The following NEK10 variants were observed in gnomAD, a reference collection of about 807,000 sequenced individuals.
The protein encoded by NEK10 is NIMA related kinase 10.
Under a neutral mutation model 159.8 loss-of-function variants are expected in NEK10, and 122 were observed. That is an observed-to-expected ratio of 0.76 (90% confidence interval 0.66 to 0.89). NEK10 has a LOEUF of 0.89. NEK10 is among the 40% of genes least tolerant of loss of function. The pLI is 0.00. For missense variants in NEK10, 1,342 were observed against 1,323.1 expected (o/e 1.01, Z -0.22); for synonymous variants, 466 against 457.1 (o/e 1.02, Z -0.25).
intron 13 of NEK10, among the ~76,000 whole-genome samples, chr3:27,299,056 G>C (rs2043593370): frequency 6.6e-6 from 1 of 152,174 alleles, no homozygotes; most frequent in South Asian, 2.1e-4. Flanking sequence ...ATTTGCATAA[G>C]TAATGAGGAG....
intron 25 of NEK10, among the ~76,000 whole-genome samples, chr3:27,192,596 G>GAA (rs35385101): frequency 2.2e-5 from 3 of 134,816 alleles, no homozygotes; most frequent in Non-Finnish European, 1.6e-5. Flanking sequence ...CTGGCAGGTG[G>GAA]AAAAAAAAAA....
intron 22 of NEK10, among the ~76,000 whole-genome samples, chr3:27,263,474 G>A (rs2040597962): frequency 6.6e-6 from 1 of 152,192 alleles, no homozygotes. Flanking sequence ...CCCAGTTTGA[G>A]CTTCCCGGCT....
At chr3:27,257,462 T>C (rs1271269802) in intron 22 of NEK10, among the ~76,000 whole-genome samples, 1 of 152,208 alleles carries the variant, frequency 6.6e-6, no homozygotes, top group African/African-American at 2.4e-5. Flanking sequence ...ATGCAGTATT[T>C]GATTATATAT....
intron 5 of NEK10, among the ~76,000 whole-genome samples, chr3:27,340,142 T>C (rs1021690530): frequency 5.9e-5 from 9 of 152,180 alleles, no homozygotes; most frequent in Admixed American, 2.6e-4. Context: ...ATAAAGAAGA[T>C]GTGGCACATA....
intron 22 of NEK10, among the ~76,000 whole-genome samples, chr3:27,267,903 T>C (rs1392774772): frequency 1.3e-5 from 2 of 152,200 alleles, no homozygotes; most frequent in Admixed American, 1.3e-4. Flanking sequence ...CAAACAGCCA[T>C]GTTGTAATGG....
At chr3:27,280,852 A>C (rs11129279) in intron 22 of NEK10, among the ~76,000 whole-genome samples, 40,286 of 151,538 alleles carry the variant, frequency 0.27, 5,486 homozygotes, top group Middle Eastern at 0.39. Flanking sequence ...TATATATGCT[A>C]CTGTTTAGTT....
In NEK10 at chr3:27,256,912, CT is replaced by C. The variant is rs550014186; in HGVS notation, c.2015-542del. On this transcript the variant is annotated intron_variant, in intron 22 of 35. Coordinates refer to ENST00000691995, the MANE Select transcript of NEK10 (RefSeq NM_001394966.1). ...CTTCAGGTACTTCTCTTTTTTCTCT[CT>C]TTTTTTTTTTTTTTTTTTTTGAGAC... Among the ~76,000 whole-genome samples the C allele has an allele frequency of 8.8e-3, 1,103 of 125,096 alleles. 4 individuals carry two copies. Among genetic ancestry groups the C allele is most frequent in the African/African-American group, 0.022 (728 of 32,544 alleles). The allele number at this position is 125,096 out of a possible 152,430, so 82.1% of individuals were successfully genotyped here.
Position 27,280,629 on chromosome 3 carries a change from G to C in NEK10, c.2014+3973C>G, listed in dbSNP as rs538017132. On this transcript the variant is annotated intron_variant, in intron 22 of 35. Transcript: ENST00000691995. ...AAGAGTATTCTCTAGAAAAAACAAAGTTTAGATACTGATTTTGGAGTCTTC... is the reference window on the plus strand; with the variant it reads ...AAGAGTATTCTCTAGAAAAAACAAACTTTAGATACTGATTTTGGAGTCTTC... Among the ~76,000 whole-genome samples the C allele has an allele frequency of 3.9e-5, 6 of 152,158 alleles. No homozygotes were observed. The East Asian group carries it at 1.2e-3, about 29-fold the overall frequency.
intron 6 of NEK10, among the ~76,000 whole-genome samples, chr3:27,317,147 G>A (rs928427753): frequency 2.6e-5 from 4 of 152,142 alleles, no homozygotes; most frequent in African/African-American, 4.8e-5. Flanking sequence ...TTCCCTCCAT[G>A]CTCCCATGGA....
chr3:27,184,409 C>A (rs1414785779), intron 26 of NEK10, among the ~76,000 whole-genome samples: 1 of 152,062 alleles, frequency 6.6e-6, no homozygotes, highest in Admixed American at 6.6e-5. Context: ...CGTCCTGGGG[C>A]AGAGAATTGT....
At chr3:27,303,244 T>A (rs532156784) in intron 12 of NEK10, among the ~76,000 whole-genome samples, 1 of 152,214 alleles carries the variant, frequency 6.6e-6, no homozygotes, top group African/African-American at 2.4e-5. Flanking sequence ...ACCTCTTTTT[T>A]ACCAAGGATA....
chr3:27,352,626 C>G, intron 2 of NEK10, 101 bp from the exon 3 acceptor site: 1 of 908,240 alleles, frequency 1.1e-6, no homozygotes, highest in Non-Finnish European at 1.8e-6. Context: ...CTGCTTTTAT[C>G]AACTGGAATG....
At chr3:27,141,613 G>T in intron 30 of NEK10, 31 bp from the exon 31 acceptor site, 1 of 1,539,254 alleles carries the variant, frequency 6.5e-7, no homozygotes, top group Non-Finnish European at 8.9e-7. Context: ...AGTTAGTCAA[G>T]TTCTCTTTCA....
chr3:27,249,530 A>G (rs1215330590), intron 23 of NEK10, among the ~76,000 whole-genome samples: 2 of 152,110 alleles, frequency 1.3e-5, no homozygotes, highest in Non-Finnish European at 2.9e-5. Context: ...TTCTGATATA[A>G]GTATAGCTAC....
chr3:27,317,135 T>C (rs2045263163), intron 6 of NEK10, among the ~76,000 whole-genome samples: 1 of 152,234 alleles, frequency 6.6e-6, no homozygotes, highest in South Asian at 2.1e-4. Flanking sequence ...GAAATGAATA[T>C]TTTCCCTCCA....
intron 5 of NEK10, among the ~76,000 whole-genome samples, chr3:27,325,653 C>T (rs2045952935): frequency 6.6e-6 from 1 of 152,228 alleles, no homozygotes; most frequent in Non-Finnish European, 1.5e-5. Flanking sequence ...CACTCCACCC[C>T]AAGCCACTCA....
At chr3:27,321,991 T>G (rs2045672577) in intron 6 of NEK10, among the ~76,000 whole-genome samples, 186 bp downstream of exon 6, 1 of 152,164 alleles carries the variant, frequency 6.6e-6, no homozygotes, top group South Asian at 2.1e-4. Flanking sequence ...AAATTTTTGG[T>G]CCCCATTAAA....
At chr3:27,368,455 G>C (rs900428991) in intron 1 of NEK10, among the ~76,000 whole-genome samples, 1 of 152,138 alleles carries the variant, frequency 6.6e-6, no homozygotes, top group Admixed American at 6.5e-5. Context: ...TGGAAATTGA[G>C]ACAGTAAAAA....
At chr3:27,267,059 G>A (rs1237547510) in intron 22 of NEK10, among the ~76,000 whole-genome samples, 1 of 152,166 alleles carries the variant, frequency 6.6e-6, no homozygotes, top group Non-Finnish European at 1.5e-5. Context: ...GCCAGGCTCA[G>A]TCTAGTTAGT....
Sources: gnomAD v4.1 joint callset for allele counts (sites outside exome capture counted in the v4.1 genomes callset) on GRCh38, gnomAD v4.1.1 for gene constraint, MANE v1.5 for transcripts, NCBI Gene and HGNC (gene_info 2026-07-23, HGNC 2026-07-21) for gene names.